The following MAST4 variants were observed in gnomAD, a reference collection of about 807,000 sequenced individuals.
MAST4 encodes the protein microtubule associated serine/threonine kinase family member 4.
In MAST4, 89 loss-of-function variants were observed where a neutral mutation model predicts 162.7. The observed-to-expected ratio is 0.55, with a 90% CI of 0.46 to 0.65. The LOEUF (loss-of-function observed/expected upper bound fraction) is 0.65, where lower values mean the gene tolerates loss of function less well. Ranked by LOEUF, MAST4 falls within the 30% of genes least tolerant of loss-of-function variation. MAST4 has a pLI of 0.00. For synonymous variants in MAST4, 1,479 were observed against 1,361.1 expected, an observed-to-expected ratio of 1.09 and a Z score of -1.91; for missense variants, 3,153 against 3,374.0, an observed-to-expected ratio of 0.93 and a Z score of 1.62.
intron 3 of MAST4, among the ~76,000 whole-genome samples, chr5:66,804,361 T>C (rs1435825717): frequency 6.6e-6 from 1 of 152,216 alleles, no homozygotes; most frequent in Non-Finnish European, 1.5e-5. Flanking sequence ...CAGTCCTGCT[T>C]TGGCCATGGA....
chr5:67,166,546 A>C lies in MAST4; in HGVS notation c.7367A>C (p.Glu2456Ala). The change falls in exon 29 of 29, where the codon GAA becomes GCA. Residue 2456 changes from glutamate (E) to alanine (A), a missense_variant. By Grantham distance (107) the Glu-to-Ala change is moderately radical. Transcript: ENST00000403625. Reference protein sequence around the residue: ...QSSFRSTALPEKSLSCSSSFP... With the variant: ...QSSFRSTALPAKSLSCSSSFP... The stretch of plus-strand genomic sequence containing the variant: ...TCTTTCCGATCCACGGCCCTCCCGG[A>C]AAAGTCTCTGAGCTGCTCCTCCAGC... 1.2e-6 allele frequency: 2 copies of C among 1,607,604 alleles called. No homozygotes were observed.
At chr5:66,823,794 C>T (rs1433856673) in intron 3 of MAST4, among the ~76,000 whole-genome samples, 4 of 151,910 alleles carry the variant, frequency 2.6e-5, no homozygotes, top group East Asian at 1.9e-4. Context: ...GGTGCCCGGC[C>T]GGCCATTGTT....
chr5:66,639,757 AG>A (rs1745361499), intron 1 of MAST4, among the ~76,000 whole-genome samples: 1 of 152,180 alleles, frequency 6.6e-6, no homozygotes, highest in African/African-American at 2.4e-5. Context: ...ATTAAACCTA[AG>A]TAAGAACCTT....
chr5:66,635,801 A>T (rs866588514), intron 1 of MAST4, among the ~76,000 whole-genome samples: 6 of 151,186 alleles, frequency 4.0e-5, no homozygotes, highest in African/African-American at 1.2e-4. Flanking sequence ...GATAGGGGAG[A>T]TGTCTCTGAG....
chr5:67,067,621 A>G (rs1215882338), intron 5 of MAST4, among the ~76,000 whole-genome samples: 3 of 152,206 alleles, frequency 2.0e-5, no homozygotes, highest in Non-Finnish European at 2.9e-5. Context: ...CTGCTGGGAC[A>G]CACTTGCAGT....
chr5:66,676,024 G>T (rs1261428422), intron 1 of MAST4, among the ~76,000 whole-genome samples: 2 of 152,204 alleles, frequency 1.3e-5, no homozygotes, highest in Non-Finnish European at 2.9e-5. Context: ...CTTATTTTGT[G>T]TGGCTTAGTT....
At position 67,165,871 on chromosome 5, in the gene MAST4, C is replaced by A. The variant is rs752015578; in HGVS notation, c.6692C>A (p.Ser2231Tyr). Residue 2231 changes from serine (S) to tyrosine (Y), a missense_variant, in exon 29 of 29, where the codon TCC becomes TAC. Around this residue, in one of 7 missense-constraint regions of MAST4, gnomAD observed 1,644 missense variants for 1,495.0 expected, o/e 1.10. Coordinates refer to ENST00000403625, the MANE Select transcript of MAST4 (RefSeq NM_001164664.2). ...ATKGKEPATQSLGGSSREGKG... is the reference protein window; with the variant it reads ...ATKGKEPATQYLGGSSREGKG... ...AAGGGCAAAGAGCCTGCCACTCAGT[C>A]CCTCGGTGGCTCTAGCAGAGAGGGG... 6 of 1,613,220 alleles carry A rather than the reference C, an allele frequency of 3.7e-6. No homozygotes were observed. The highest frequency in any genetic ancestry group is 5.1e-6 in the Non-Finnish European group (6 of 1,179,902).
At position 67,064,615 on chromosome 5, in the gene MAST4, A is replaced by G. The variant is rs143951169; in HGVS notation, c.763+10123A>G. Reference sequence around the variant, plus strand: ...ATTTGCCTTGTCCATAATATAATCCATTTCAACCATTGCTAAGCTGAATGG... The same window carrying G: ...ATTTGCCTTGTCCATAATATAATCCGTTTCAACCATTGCTAAGCTGAATGG... On this transcript the variant is annotated intron_variant, in intron 5 of 28. Transcript: ENST00000403625. Among the ~76,000 whole-genome samples, 557 of 152,300 alleles carry G rather than the reference A, an allele frequency of 3.7e-3. 2 individuals are homozygous for G. Among genetic ancestry groups the G allele is most frequent in the Middle Eastern group, 0.014 (4 of 294 alleles).
In MAST4 at chr5:66,641,682, G is replaced by A. The variant is rs140719639; in HGVS notation, c.363+44664G>A. ...ACAGCTTGTCAAACCAGAAAACAAG[G>A]AAGCTGTCAAAGACTAGTGAGGTTG... On this transcript the variant is annotated intron_variant, in intron 1 of 28. Transcript: ENST00000403625. Among the ~76,000 whole-genome samples, 704 of 152,250 alleles carry A rather than the reference G, an allele frequency of 4.6e-3. 5 individuals are homozygous for A. The highest frequency in any genetic ancestry group is 0.016 in the African/African-American group (661 of 41,546).
intron 3 of MAST4, among the ~76,000 whole-genome samples, chr5:66,869,191 C>A (rs907574092): frequency 6.6e-6 from 1 of 152,130 alleles, no homozygotes; most frequent in Admixed American, 6.5e-5. Flanking sequence ...TTGATAACTT[C>A]TTTTAGGGGG....
rs1330995372 is a variant in MAST4, at chr5:67,168,982, C to G, written c.*1931C>G. The G allele has an allele frequency of 6.6e-6, 1 of 152,076 alleles. No homozygotes were observed. Among genetic ancestry groups the G allele is most frequent in the East Asian group, 1.9e-4 (1 of 5,204 alleles). 9.4% of individuals were successfully genotyped at this position (152,076 alleles called of 1,614,324 possible). ...ATATGGTTTTAGCCATTCCCCATCA[C>G]TATATTGTGAAGCTGTAAAAATATA... On this transcript the variant is annotated 3_prime_UTR_variant, in exon 29 of 29. Transcript: ENST00000403625.
At chr5:66,631,688 G>T (rs1744807176) in intron 1 of MAST4, among the ~76,000 whole-genome samples, 1 of 152,118 alleles carries the variant, frequency 6.6e-6, no homozygotes, top group Non-Finnish European at 1.5e-5. Context: ...AACAGCAAAA[G>T]CTTGCCCTAT....
chr5:67,095,514 T>C, intron 6 of MAST4, 83 bp from the exon 7 acceptor site: 3 of 1,022,520 alleles, frequency 2.9e-6, no homozygotes, highest in Non-Finnish European at 2.9e-6. Flanking sequence ...GTCATTTGTT[T>C]GACTAAAAAT....
intron 1 of MAST4, among the ~76,000 whole-genome samples, chr5:66,731,728 C>G (rs1348324622): frequency 6.6e-6 from 1 of 151,946 alleles, no homozygotes; most frequent in African/African-American, 2.4e-5. Flanking sequence ...TATATTGCAA[C>G]CCCCAAACTG....
chr5:66,964,553 G>A (rs2150171915), intron 4 of MAST4, among the ~76,000 whole-genome samples: 1 of 152,308 alleles, frequency 6.6e-6, no homozygotes, highest in South Asian at 2.1e-4. Context: ...TGTAATCCCA[G>A]CACTTTGGGA....
At chr5:66,780,924 A>G (rs891376301) in intron 2 of MAST4, among the ~76,000 whole-genome samples, 2 of 152,142 alleles carry the variant, frequency 1.3e-5, no homozygotes, top group Admixed American at 6.5e-5. Flanking sequence ...CCAAGTCCCC[A>G]CTCAGCCCAG....
intron 3 of MAST4, among the ~76,000 whole-genome samples, chr5:66,829,235 C>G (rs997184801): frequency 6.6e-6 from 1 of 151,920 alleles, no homozygotes; most frequent in African/African-American, 2.4e-5. Context: ...CAACTCCTTT[C>G]AATTCTGGGA....
rs750301706 is a variant in MAST4 at position 67,153,600 on chromosome 5, A to AG, written c.3648+23dup. ...CTGAAGGTATTGTATGTTTTATGTC[A>AG]GGGCCATGCTGATGAGACAGGCAGC... is the stretch of plus-strand genomic sequence containing the variant. On this transcript the variant is annotated intron_variant, in intron 26 of 28. Transcript: ENST00000403625. The AG allele has an allele frequency of 7.1e-6, 11 of 1,553,026 alleles. No homozygotes were observed. The highest frequency in any genetic ancestry group is 1.7e-4 in the Middle Eastern group (1 of 5,940).
chr5:67,049,528 T>A (rs893154004), intron 4 of MAST4, among the ~76,000 whole-genome samples: 1 of 152,180 alleles, frequency 6.6e-6, no homozygotes, highest in East Asian at 1.9e-4. Flanking sequence ...GAGGAAATAG[T>A]TAGCAGATGT....
Sources: gnomAD v4.1 joint callset for allele counts (sites outside exome capture counted in the v4.1 genomes callset) on GRCh38, gnomAD v4.1.1 for gene constraint, gnomAD v4.1.1 regional missense constraint, MANE v1.5 for transcripts, NCBI Gene and HGNC (gene_info 2026-07-23, HGNC 2026-07-21) for gene names.